The following PTP4A1 variants were observed in gnomAD, a reference collection of about 807,000 sequenced individuals.
PTP4A1 encodes the protein protein tyrosine phosphatase 4A1.
Under a neutral mutation model 20.5 loss-of-function variants are expected in PTP4A1, and 9 were observed. The observed-to-expected ratio is 0.44, with a 90% confidence interval of 0.26 to 0.77. PTP4A1 has a LOEUF of 0.77. Among genes scored for constraint, PTP4A1 ranks in the 30% least tolerant of loss-of-function variants. The pLI is 0.19. For synonymous variants in PTP4A1, 78 were observed against 67.4 expected, an observed-to-expected ratio of 1.16 and a Z score of -0.77; for missense variants, 137 against 218.8, an observed-to-expected ratio of 0.63 and a Z score of 2.36.
At chr6:63,569,967 T>C (rs1289573014), upstream of PTP4A1, among the ~76,000 whole-genome samples, 1 of 152,204 alleles carries the variant, frequency 6.6e-6, no homozygotes, top group African/African-American at 2.4e-5. Flanking sequence ...AGCTTAAAAG[T>C]ATTAAACTAA....
At chr6:63,530,833 G>A (rs1264823053) in intron 2 of PTP4A1, among the ~76,000 whole-genome samples, 2 of 151,980 alleles carry the variant, frequency 1.3e-5, no homozygotes, top group East Asian at 1.9e-4. Flanking sequence ...ATTTAATAAA[G>A]TAGTACCTTA....
rs1004011585 is a variant in PTP4A1, at chr6:63,572,542, G to C, written c.-623G>C. ...GGCTCGGCTACGCGCTCTGCTCCGA[G>C]CCGCTCACTGCATGGTAGAGTCTGG... On this transcript the variant is annotated 5_prime_UTR_variant, in exon 1 of 6. Transcript: ENST00000626021. 2.3e-5 allele frequency: 9 copies of C among 396,796 alleles called. No homozygotes were observed. Among genetic ancestry groups the C allele is most frequent in the African/African-American group, 6.2e-5 (3 of 48,340 alleles). 24.6% of individuals were successfully genotyped at this position (396,796 alleles called of 1,614,324 possible). A position where few individuals can be genotyped will look rare whatever the true frequency, so the allele number is the denominator to read the frequency against.
intron 2 of PTP4A1, among the ~76,000 whole-genome samples, chr6:63,542,022 G>GGTGT (rs72091849): frequency 0.26 from 38,499 of 146,532 alleles, 5,018 homozygotes; most frequent in Admixed American, 0.31. Context: ...AAGAAACTGT[G>GGTGT]GTGTGTGTGT....
At chr6:63,527,773 T>A (rs939176431) in intron 1 of PTP4A1, 12 of 152,202 alleles carry the variant, frequency 7.9e-5, no homozygotes, top group African/African-American at 2.9e-4. Context: ...ACAGTGACGA[T>A]AACAGTGATG....
At chr6:63,558,233 A>G (rs1776774322) in intron 3 of PTP4A1, among the ~76,000 whole-genome samples, 1 of 152,148 alleles carries the variant, frequency 6.6e-6, no homozygotes. Context: ...GAATTAAGTT[A>G]TTGCAATACA....
At chr6:63,524,234 C>T (rs1359611539) in intron 1 of PTP4A1, among the ~76,000 whole-genome samples, 1 of 152,180 alleles carries the variant, frequency 6.6e-6, no homozygotes, top group Admixed American at 6.5e-5. Context: ...ATCTGACTGC[C>T]TTGGCCTCCC....
chr6:63,556,070 A>G (rs1043902942), intron 3 of PTP4A1, among the ~76,000 whole-genome samples: 1 of 152,170 alleles, frequency 6.6e-6, no homozygotes, highest in African/African-American at 2.4e-5. Context: ...CTAAATTTCC[A>G]AAAAAATTAC....
intron 3 of PTP4A1, among the ~76,000 whole-genome samples, chr6:63,558,316 G>A (rs1387456182): frequency 1.3e-5 from 2 of 152,080 alleles, no homozygotes; most frequent in Non-Finnish European, 1.5e-5. Context: ...AAGCAGGGAA[G>A]GAAAGAAGGA....
chr6:63,539,767 C>CAA (rs34729616), intron 2 of PTP4A1, among the ~76,000 whole-genome samples: 12,639 of 129,018 alleles, frequency 0.098, 565 homozygotes, highest in East Asian at 0.18. Flanking sequence ...GACTCTGTCT[C>CAA]AAAAAAAAAA....
upstream of PTP4A1, chr6:63,572,035 T>A (rs1777454942): frequency 6.6e-6 from 1 of 152,324 alleles, no homozygotes; most frequent in Non-Finnish European, 1.5e-5. Flanking sequence ...GTTAAGGCAG[T>A]AGAAAGCAGG....
At chr6:63,550,296 C>G (rs112918696) in intron 2 of PTP4A1, 4 of 152,118 alleles carry the variant, frequency 2.6e-5, no homozygotes, top group East Asian at 3.9e-4. Flanking sequence ...ATGTAATCAA[C>G]CAGGGCAGTG....
At chr6:63,525,548 G>A (rs1465196042) in intron 1 of PTP4A1, among the ~76,000 whole-genome samples, 1 of 152,152 alleles carries the variant, frequency 6.6e-6, no homozygotes, top group African/African-American at 2.4e-5. Flanking sequence ...CTCTCTCAGA[G>A]CATCTTCTGA....
chr6:63,518,231 C>A (rs1275617647), upstream of PTP4A1, among the ~76,000 whole-genome samples: 5 of 151,530 alleles, frequency 3.3e-5, no homozygotes, highest in Non-Finnish European at 2.9e-5. Flanking sequence ...GCCACCTTTT[C>A]CATAACTTTA....
chr6:63,549,465 G>A (rs1776342664), intron 2 of PTP4A1: 3 of 794,192 alleles, frequency 3.8e-6, no homozygotes, highest in Admixed American at 3.6e-5. Flanking sequence ...CGACAGCAGG[G>A]CCGGAGCCAC....
At chr6:63,521,640 G>C (rs559877668), upstream of PTP4A1, 1 of 152,160 alleles carries the variant, frequency 6.6e-6, no homozygotes, top group Non-Finnish European at 1.5e-5. Flanking sequence ...CTGTCCCCTT[G>C]AACTGTATAA....
chr6:63,579,323 C>T lies in PTP4A1; in HGVS notation c.396C>T (p.Phe132=). 6.3e-7 allele frequency: 1 copy of T among 1,598,754 alleles called. No individual in the cohort carries two copies. Among genetic ancestry groups the T allele is most frequent in the Non-Finnish European group, 8.5e-7 (1 of 1,170,290 alleles). Reference sequence around the variant, plus strand: ...TGAAATACGAAGATGCAGTACAATTCATAAGACAGTAAGTAATGGATTCTC... The same window carrying T: ...TGAAATACGAAGATGCAGTACAATTTATAAGACAGTAAGTAATGGATTCTC... ...GGMKYEDAVQ[F]IRQKRRGAFN... Residue 132 remains phenylalanine (F), a synonymous_variant, in exon 5 of 6, where the codon TTC becomes TTT. Transcript: ENST00000626021.
rs894181391 is a variant in PTP4A1 at position 63,572,738 on chromosome 6, G to T, written c.-446+19G>T. ...TATTCCTGTGAGTAGCCGTCGCATCGTCGCCTCTCGGGCTGGGAATCCACG... is the reference window on the plus strand; with the variant it reads ...TATTCCTGTGAGTAGCCGTCGCATCTTCGCCTCTCGGGCTGGGAATCCACG... On this transcript the variant is annotated intron_variant, in intron 1 of 5. Transcript: ENST00000626021. 1.0e-5 allele frequency: 4 copies of T among 398,232 alleles called. No homozygotes were observed. The highest frequency in any genetic ancestry group is 4.1e-5 in the African/African-American group (2 of 48,564). 24.7% of individuals were successfully genotyped at this position (398,232 alleles called of 1,614,324 possible).
intron 1 of PTP4A1, among the ~76,000 whole-genome samples, chr6:63,574,767 A>T (rs1277980197): frequency 6.6e-6 from 1 of 152,240 alleles, no homozygotes; most frequent in East Asian, 1.9e-4. Flanking sequence ...TCATTGGGAA[A>T]GTGTCAGAAT....
Position 63,578,608 on chromosome 6 carries a change from C to A in PTP4A1, c.198+79C>A, listed in dbSNP as rs956311320. 15 of 1,509,102 alleles carry A rather than the reference C, an allele frequency of 9.9e-6. No individual in the cohort carries two copies. In the East Asian group the frequency reaches 3.5e-4, roughly 35 times the overall value. 93.5% of individuals were successfully genotyped at this position (1,509,102 alleles called of 1,614,324 possible). ...TCAAATAGTAAATTCAAATAAATAT[C>A]TATTTAAGTCATAAATAGACCTCAA... On this transcript the variant is annotated intron_variant, in intron 3 of 5. Coordinates refer to ENST00000626021, the MANE Select transcript of PTP4A1 (RefSeq NM_003463.5).
Sources: allele counts gnomAD v4.1 joint callset (sites outside exome capture counted in the v4.1 genomes callset), GRCh38; gene constraint gnomAD v4.1.1; transcripts MANE v1.5; gene names NCBI Gene and HGNC (gene_info 2026-07-23, HGNC 2026-07-21).